The following SUCLA2 variants were observed in gnomAD, a reference collection of about 807,000 sequenced individuals.
The protein encoded by SUCLA2 is succinate--CoA ligase [ADP-forming] subunit beta, mitochondrial.
SUCLA2 carries 30 observed loss-of-function variants against 54.8 expected under a neutral mutation model. The observed-to-expected ratio is 0.55, with a 90% CI of 0.41 to 0.74. SUCLA2 has a LOEUF of 0.74. Ranked by LOEUF, SUCLA2 falls within the 30% of genes least tolerant of loss-of-function variation. The pLI is 0.00. For synonymous variants in SUCLA2, 172 were observed against 188.9 expected (o/e 0.91, Z 0.74); for missense variants, 476 against 562.9 (o/e 0.85, Z 1.56).
At chr13:47,995,161 C>G (rs903885407) in intron 2 of SUCLA2, among the ~76,000 whole-genome samples, 2 of 152,100 alleles carry the variant, frequency 1.3e-5, no homozygotes, top group African/African-American at 4.8e-5. Flanking sequence ...TTCAGACTAG[C>G]CTGGGCAACA....
At chr13:47,977,491 T>C (rs1157392771) in intron 4 of SUCLA2, among the ~76,000 whole-genome samples, 1 of 151,426 alleles carries the variant, frequency 6.6e-6, no homozygotes, top group Non-Finnish European at 1.5e-5. Flanking sequence ...TACAAGCTAA[T>C]AGCTCTGAAA....
rs559376737 is a variant in SUCLA2, at chr13:47,995,602, A to G, written c.271+1241T>C. Among the ~76,000 whole-genome samples, 6 of 152,324 alleles carry G rather than the reference A, an allele frequency of 3.9e-5. No individual in the cohort carries two copies. The East Asian group carries it at 1.2e-3, about 29-fold the overall frequency. ...ACAAGATGAATACTTTTAAAATTTC[A>G]ATCACTTTGAAAATGCTCATCTTTC... is the stretch of plus-strand genomic sequence containing the variant. On this transcript the variant is annotated intron_variant, in intron 2 of 10. Coordinates refer to ENST00000646932, the MANE Select transcript of SUCLA2 (RefSeq NM_003850.3).
At chr13:48,000,137 G>GAAA (rs10714629) in intron 1 of SUCLA2, among the ~76,000 whole-genome samples, 37 of 94,212 alleles carry the variant, frequency 3.9e-4, no homozygotes, top group Middle Eastern at 5.3e-3. Context: ...CAATAAAAAT[G>GAAA]AAAAAAAAAA....
intron 4 of SUCLA2, 24 bp downstream of exon 4, chr13:47,988,517 T>C (rs376480109): frequency 1.2e-6 from 2 of 1,611,678 alleles, no homozygotes; most frequent in African/African-American, 1.3e-5. Flanking sequence ...TTATCCCGTA[T>C]GTATCATGTC....
At chr13:47,977,603 A>C (rs1950026770) in intron 4 of SUCLA2, among the ~76,000 whole-genome samples, 1 of 152,342 alleles carries the variant, frequency 6.6e-6, no homozygotes, top group African/African-American at 2.4e-5. Flanking sequence ...AACTCCTAGA[A>C]TACAAGGATG....
chr13:47,972,904 T>C (rs1192005877), intron 5 of SUCLA2, among the ~76,000 whole-genome samples: 3 of 149,420 alleles, frequency 2.0e-5, no homozygotes, highest in Non-Finnish European at 3.0e-5. Flanking sequence ...CGCACCACCA[T>C]GCCCGGCTAA....
intron 4 of SUCLA2, among the ~76,000 whole-genome samples, chr13:47,982,175 T>C (rs1215992171): frequency 1.3e-5 from 2 of 152,122 alleles, no homozygotes; most frequent in East Asian, 1.9e-4. Context: ...TTACTGACAA[T>C]AGCCAAGAGA....
chr13:47,948,603 C>T (rs1390579976), intron 10 of SUCLA2, among the ~76,000 whole-genome samples: 1 of 152,076 alleles, frequency 6.6e-6, no homozygotes, highest in Non-Finnish European at 1.5e-5. Flanking sequence ...CCTCCCTTAC[C>T]CATAATGTAT....
intron 8 of SUCLA2, among the ~76,000 whole-genome samples, chr13:47,951,076 C>T (rs1042851805): frequency 1.3e-5 from 2 of 152,138 alleles, no homozygotes; most frequent in Non-Finnish European, 2.9e-5. Context: ...CACCATCTAA[C>T]ACTCCAGCCT....
At chr13:47,943,478 A>G in intron 10 of SUCLA2, 33 bp from the exon 11 acceptor site, 1 of 1,608,094 alleles carries the variant, frequency 6.2e-7, no homozygotes, top group Non-Finnish European at 8.5e-7. Context: ...TTTCACAAAA[A>G]GGTAAATTCA....
intron 9 of SUCLA2, 44 bp from the exon 10 acceptor site, chr13:47,949,072 C>G: frequency 7.6e-6 from 12 of 1,577,908 alleles, no homozygotes; most frequent in Non-Finnish European, 1.0e-5. Context: ...AATACACACA[C>G]AAAAGCATTT....
intron 5 of SUCLA2, among the ~76,000 whole-genome samples, chr13:47,969,430 AC>A (rs1949944465): frequency 1.3e-5 from 2 of 152,238 alleles, no homozygotes; most frequent in African/African-American, 4.8e-5. Context: ...AAGATGTTTA[AC>A]TTTATAATAA....
chr13:47,985,768 G>A (rs1950097946), intron 4 of SUCLA2, among the ~76,000 whole-genome samples: 1 of 152,066 alleles, frequency 6.6e-6, no homozygotes, highest in Admixed American at 6.6e-5. Flanking sequence ...TGGGATTGCT[G>A]GGTCAAATAG....
At chr13:47,993,300 A>G in intron 2 of SUCLA2, among the ~76,000 whole-genome samples, 1 of 152,222 alleles carries the variant, frequency 6.6e-6, no homozygotes, top group East Asian at 1.9e-4. Context: ...ATGAACTGTT[A>G]GAGATAATTT....
intron 4 of SUCLA2, among the ~76,000 whole-genome samples, chr13:47,986,006 CAT>C (rs145504033): frequency 0.033 from 4,863 of 148,498 alleles, 277 homozygotes; most frequent in African/African-American, 0.11. Flanking sequence ...TTTTTAATCA[CAT>C]GTGTGTTGGC....
intron 10 of SUCLA2, among the ~76,000 whole-genome samples, chr13:47,944,311 C>G (rs915218102): frequency 6.6e-6 from 1 of 152,112 alleles, no homozygotes; most frequent in African/African-American, 2.4e-5. Flanking sequence ...GTAGTAACTG[C>G]TAATATCATC....
intron 4 of SUCLA2, among the ~76,000 whole-genome samples, chr13:47,979,782 G>A (rs1458805174): frequency 6.6e-6 from 1 of 152,030 alleles, no homozygotes; most frequent in African/African-American, 2.4e-5. Context: ...CCTAGACACA[G>A]AAAACAGGTA....
At chr13:47,982,500 G>GAA (rs11389505) in intron 4 of SUCLA2, among the ~76,000 whole-genome samples, 37 of 151,040 alleles carry the variant, frequency 2.4e-4, no homozygotes, top group East Asian at 1.7e-3. Flanking sequence ...AAAAATTAAA[G>GAA]AAAAAAAAAG....
At chr13:47,949,736 C>A in intron 8 of SUCLA2, 133 bp from the exon 9 acceptor site, 1 of 838,572 alleles carries the variant, frequency 1.2e-6, no homozygotes. Context: ...CCACAATACC[C>A]TCTTCTAGCT....
Sources: gnomAD v4.1 joint callset for allele counts (sites outside exome capture counted in the v4.1 genomes callset) on GRCh38, gnomAD v4.1.1 for gene constraint, MANE v1.5 for transcripts, NCBI Gene and HGNC (gene_info 2026-07-23, HGNC 2026-07-21) for gene names.